RELCH: variants seen among roughly 807,000 people sequenced by gnomAD.
The protein encoded by RELCH is RAB11-binding protein RELCH.
In RELCH, 41 loss-of-function variants were observed where a neutral mutation model predicts 150.3. The ratio of observed to expected loss-of-function variants is 0.27; its 90% confidence interval spans 0.21 to 0.35. The LOEUF (loss-of-function observed/expected upper bound fraction) is 0.35, where lower values mean the gene tolerates loss of function less well. RELCH is among the 10% of genes least tolerant of loss of function. The pLI is 1.00. For missense variants in RELCH, 1,092 were observed against 1,467.8 expected (o/e 0.74, Z 4.18); for synonymous variants, 478 against 531.8 (o/e 0.90, Z 1.39).
intron 11 of RELCH, 125 bp from the exon 12 acceptor site, chr18:62,252,538 AG>A (rs1463970396): frequency 4.4e-6 from 3 of 681,946 alleles, no homozygotes; most frequent in Non-Finnish European, 7.6e-6. Flanking sequence ...ATAAATAAAA[AG>A]TCTAATTTGA....
chr18:62,223,055 G>C (rs569919985), intron 5 of RELCH, among the ~76,000 whole-genome samples: 6 of 151,906 alleles, frequency 3.9e-5, no homozygotes, highest in African/African-American at 1.4e-4. Context: ...GTGAAATCAG[G>C]CTCTGCCTTA....
chr18:62,270,645 T>C (rs1002919023), intron 20 of RELCH, among the ~76,000 whole-genome samples: 1 of 152,162 alleles, frequency 6.6e-6, no homozygotes, highest in African/African-American at 2.4e-5. Flanking sequence ...TCTTTCTTTT[T>C]TTTATTTTTA....
In RELCH at chr18:62,273,371, A is replaced by G. The variant is rs570750884; in HGVS notation, c.2761-609A>G. ...GTTTCTTAAAAGAACACAGTAGTCT[A>G]TATTTTACTAAGTGTGCAGTTTTCA... is the stretch of plus-strand genomic sequence containing the variant. On this transcript the variant is annotated intron_variant, in intron 20 of 28. Coordinates refer to ENST00000644646, the MANE Select transcript of RELCH (RefSeq NM_001346231.2). Among the ~76,000 whole-genome samples the G allele has an allele frequency of 8.5e-5, 13 of 152,244 alleles. No homozygotes were observed. The South Asian group carries it at 2.5e-3, about 29-fold the overall frequency.
chr18:62,275,118 T>C (rs774557469), intron 21 of RELCH, among the ~76,000 whole-genome samples: 30 of 152,176 alleles, frequency 2.0e-4, no homozygotes, highest in Non-Finnish European at 3.7e-4. Flanking sequence ...GGTTTCACCA[T>C]GTTGGCCAGG....
chr18:62,264,219 A>G (rs1011993060), intron 17 of RELCH, 74 bp downstream of exon 17: 10 of 1,257,586 alleles, frequency 8.0e-6, no homozygotes, highest in Non-Finnish European at 1.1e-5. Flanking sequence ...AGAACAAAAT[A>G]TAACAAAACT....
At position 62,195,282 on chromosome 18, in the gene RELCH, G is replaced by C. The variant is rs1264026649; in HGVS notation, c.526+7251G>C. Among the ~76,000 whole-genome samples the C allele has an allele frequency of 9.7e-4, 138 of 142,738 alleles. 3 individuals are homozygous for C. The highest frequency in any genetic ancestry group is 3.7e-4 in the Non-Finnish European group (24 of 64,320). 93.6% of individuals were successfully genotyped at this position (142,738 alleles called of 152,430 possible). On this transcript the variant is annotated intron_variant, in intron 1 of 28. Transcript: ENST00000644646. ...ATTTGCTGGAATATACACACACTCT[G>C]TGTGTGTGTGTGTGTGTGTGTGTGT...
intron 5 of RELCH, among the ~76,000 whole-genome samples, chr18:62,222,518 G>A (rs1378197730): frequency 6.6e-6 from 1 of 151,708 alleles, no homozygotes; most frequent in African/African-American, 2.4e-5. Flanking sequence ...AAAAATAGAT[G>A]GAATACATAG....
chr18:62,254,461 T>TAA (rs1419672085), intron 12 of RELCH, among the ~76,000 whole-genome samples: 1 of 151,936 alleles, frequency 6.6e-6, no homozygotes, highest in Non-Finnish European at 1.5e-5. Context: ...CTTACTGAGC[T>TAA]AAAGAAAAGC....
chr18:62,260,524 A>G (rs895537975), intron 15 of RELCH, among the ~76,000 whole-genome samples: 3 of 151,970 alleles, frequency 2.0e-5, no homozygotes, highest in Non-Finnish European at 4.4e-5. Flanking sequence ...TAATCCACCA[A>G]TCCCACCACT....
In RELCH at chr18:62,298,454, G is replaced by T. The variant is rs190555717; in HGVS notation, c.3460-336G>T. The stretch of plus-strand genomic sequence containing the variant: ...GCTTTTACTGGGAAAATATGTGTGT[G>T]ACCATAGTGTGTGTGTATGTTAAAT... On this transcript the variant is annotated intron_variant, in intron 27 of 28. Coordinates refer to ENST00000644646, the MANE Select transcript of RELCH (RefSeq NM_001346231.2). Among the ~76,000 whole-genome samples the T allele has an allele frequency of 1.6e-3, 241 of 152,314 alleles. 1 individual carries two copies. Among genetic ancestry groups the T allele is most frequent in the African/African-American group, 5.4e-3 (225 of 41,570 alleles).
At chr18:62,247,728 G>A (rs1054372808) in intron 11 of RELCH, among the ~76,000 whole-genome samples, 1 of 151,910 alleles carries the variant, frequency 6.6e-6, no homozygotes, top group Non-Finnish European at 1.5e-5. Context: ...TGTATTTTTT[G>A]TAGAGACAGG....
Position 62,211,185 on chromosome 18 carries a change from T to G in RELCH, c.559T>G (p.Leu187Val). 2 of 1,610,038 alleles carry G rather than the reference T, an allele frequency of 1.2e-6. No homozygotes were observed. Among genetic ancestry groups the G allele is most frequent in the African/African-American group, 2.7e-5 (2 of 74,944 alleles). The change falls in exon 2 of 29, where the codon TTA (leucine) becomes GTA (valine). Residue 187 changes from leucine (L) to valine (V), a missense_variant. Coordinates refer to ENST00000644646, the MANE Select transcript of RELCH (RefSeq NM_001346231.2). ...RAGSISTLDS[L>V]DFARYSDDGN... is the part of the protein sequence containing the mutation. The stretch of plus-strand genomic sequence containing the variant: ...TGGGAGCATTAGTACCCTTGATTCT[T>G]TAGACTTTGCAAGATATTCAGATGA...
chr18:62,194,849 G>A (rs1568293662), intron 1 of RELCH, among the ~76,000 whole-genome samples: 1 of 152,078 alleles, frequency 6.6e-6, no homozygotes, highest in East Asian at 1.9e-4. Context: ...GAATACTTCA[G>A]AACAATAAAT....
intron 19 of RELCH, among the ~76,000 whole-genome samples, chr18:62,267,838 T>C (rs2043671906): frequency 6.6e-6 from 1 of 152,002 alleles, no homozygotes; most frequent in Non-Finnish European, 1.5e-5. Flanking sequence ...TAGTTAGCCA[T>C]GAATGTTTAG....
intron 10 of RELCH, among the ~76,000 whole-genome samples, chr18:62,237,904 ATTAT>A (rs1383153390): frequency 6.6e-6 from 1 of 151,816 alleles, no homozygotes; most frequent in Non-Finnish European, 1.5e-5. Context: ...AGATATTAGC[ATTAT>A]TTGTTTTTCT....
rs201628969 is a variant in RELCH at position 62,275,507 on chromosome 18, A to G, written c.2967+34A>G. On this transcript the variant is annotated intron_variant, in intron 22 of 28. Transcript: ENST00000644646. ...ACACATGCCTCTGTTGGTTTCAATTATAATGATTTTTTTTTTTTTGCGAAG... is the reference window on the plus strand; with the variant it reads ...ACACATGCCTCTGTTGGTTTCAATTGTAATGATTTTTTTTTTTTTGCGAAG... The G allele has an allele frequency of 7.6e-5, 105 of 1,377,492 alleles. No homozygotes were observed. In the African/African-American group the frequency reaches 1.2e-3, roughly 16 times the overall value. 85.3% of individuals were successfully genotyped at this position (1,377,492 alleles called of 1,614,324 possible).
rs11662987 is a variant in RELCH at position 62,308,984 on chromosome 18, A to C, written c.*3450A>C. 2.0e-5 allele frequency: 3 copies of C among 152,202 alleles called. No homozygotes were observed. Among genetic ancestry groups the C allele is most frequent in the Admixed American group, 6.5e-5 (1 of 15,282 alleles). 9.4% of individuals were successfully genotyped at this position (152,202 alleles called of 1,614,324 possible). Reference sequence around the variant, plus strand: ...GCCGGGCACGGTGGCTCATGCCTGTAATACCAGCACTTTGGGAGGCTGAGG... The same window carrying C: ...GCCGGGCACGGTGGCTCATGCCTGTCATACCAGCACTTTGGGAGGCTGAGG... On this transcript the variant is annotated 3_prime_UTR_variant, in exon 29 of 29. Transcript: ENST00000644646.
intron 5 of RELCH, among the ~76,000 whole-genome samples, chr18:62,224,429 T>A (rs1410617726): frequency 6.6e-6 from 1 of 152,032 alleles, no homozygotes; most frequent in African/African-American, 2.4e-5. Context: ...GCTAGTGCAA[T>A]AAGGCAAGAA....
At chr18:62,246,320 T>C (rs946128014) in intron 11 of RELCH, 1 of 152,232 alleles carries the variant, frequency 6.6e-6, no homozygotes, top group South Asian at 2.1e-4. Flanking sequence ...ATATATATTC[T>C]ATTCTGTTAG....
Sources: allele counts gnomAD v4.1 joint callset (sites outside exome capture counted in the v4.1 genomes callset), GRCh38; gene constraint gnomAD v4.1.1; transcripts MANE v1.5; gene names NCBI Gene and HGNC (gene_info 2026-07-23, HGNC 2026-07-21).